CSNK2A2IP: variants seen among roughly 807,000 people sequenced by gnomAD.
The protein encoded by CSNK2A2IP is casein kinase II subunit alpha'-interacting protein.
chr3:88,367,925 C>T, the CSNK2A2IP span, among the ~76,000 whole-genome samples: 3 of 152,056 alleles, frequency 2.0e-5, no homozygotes, highest in East Asian at 1.9e-4. Flanking sequence ...GGAATTTGAC[C>T]TTTAATCCTA....
chr3:88,446,862 T>G, the CSNK2A2IP span, among the ~76,000 whole-genome samples: 1 of 152,220 alleles, frequency 6.6e-6, no homozygotes, highest in Non-Finnish European at 1.5e-5. Flanking sequence ...TCCTTATAAT[T>G]AACATAATCA....
At chr3:88,437,325 A>G in the CSNK2A2IP span, among the ~76,000 whole-genome samples, 1 of 152,220 alleles carries the variant, frequency 6.6e-6, no homozygotes, top group East Asian at 1.9e-4. Flanking sequence ...AGGGCCATTA[A>G]CAGAGTTAGA....
At chr3:88,462,568 G>A in the CSNK2A2IP span, among the ~76,000 whole-genome samples, 1 of 152,146 alleles carries the variant, frequency 6.6e-6, no homozygotes, top group Non-Finnish European at 1.5e-5. Flanking sequence ...ATACAGTCTA[G>A]ATAAGATGTG....
the CSNK2A2IP span, among the ~76,000 whole-genome samples, chr3:88,396,384 C>T: frequency 4.6e-5 from 7 of 152,162 alleles, no homozygotes; most frequent in Non-Finnish European, 1.0e-4. Context: ...GGATTACAGG[C>T]GTGAGCCACC....
chr3:88,455,353 C>T, the CSNK2A2IP span, among the ~76,000 whole-genome samples: 1 of 152,006 alleles, frequency 6.6e-6, no homozygotes, highest in East Asian at 1.9e-4. Context: ...TTTTTCCCCA[C>T]ATCCTTGCCA....
the CSNK2A2IP span, among the ~76,000 whole-genome samples, chr3:88,445,978 CTTTCTTTCTTT>C: frequency 5.8e-5 from 8 of 137,294 alleles, no homozygotes; most frequent in Non-Finnish European, 1.3e-4. Context: ...CCCTCTCTCT[CTTTCTTTCTTT>C]TTTCTTTCTT....
chr3:88,382,416 T>G, the CSNK2A2IP span, among the ~76,000 whole-genome samples: 1 of 152,208 alleles, frequency 6.6e-6, no homozygotes, highest in African/African-American at 2.4e-5. Context: ...GGGGCTTAAT[T>G]AAGACCTGTG....
the CSNK2A2IP span, among the ~76,000 whole-genome samples, chr3:88,397,366 T>C: frequency 6.6e-6 from 1 of 152,218 alleles, no homozygotes; most frequent in Non-Finnish European, 1.5e-5. Context: ...TTTACAATAG[T>C]ATACTTGAGA....
the CSNK2A2IP span, among the ~76,000 whole-genome samples, chr3:88,374,320 G>A: frequency 8.6e-5 from 13 of 151,738 alleles, no homozygotes; most frequent in African/African-American, 3.1e-4. Context: ...AATTCAAGAT[G>A]CTTCTGAGAT....
At chr3:88,389,504 A>C in the CSNK2A2IP span, among the ~76,000 whole-genome samples, 1 of 152,180 alleles carries the variant, frequency 6.6e-6, no homozygotes, top group African/African-American at 2.4e-5. Context: ...AGGCCATCGT[A>C]AGGATGCTGG....
the CSNK2A2IP span, among the ~76,000 whole-genome samples, chr3:88,339,009 C>T: frequency 5.1e-4 from 78 of 152,046 alleles, no homozygotes; most frequent in African/African-American, 1.8e-3. Context: ...AATGTTCAAA[C>T]CAGGGTAATT....
chr3:88,358,246 T>C, the CSNK2A2IP span, among the ~76,000 whole-genome samples: 1 of 151,732 alleles, frequency 6.6e-6, no homozygotes, highest in South Asian at 2.1e-4. Context: ...CTGGAGTCCT[T>C]AGGATTTTCA....
At chr3:88,370,395 C>T in the CSNK2A2IP span, among the ~76,000 whole-genome samples, 1 of 151,842 alleles carries the variant, frequency 6.6e-6, no homozygotes, top group Non-Finnish European at 1.5e-5. Flanking sequence ...AGTGGCTAGA[C>T]AGATATATTC....
the CSNK2A2IP span, among the ~76,000 whole-genome samples, chr3:88,404,321 A>G: frequency 6.6e-6 from 1 of 152,160 alleles, no homozygotes; most frequent in Non-Finnish European, 1.5e-5. Flanking sequence ...CCCGCAAAAT[A>G]AAAGGATTTC....
the CSNK2A2IP span, among the ~76,000 whole-genome samples, chr3:88,364,303 C>T: frequency 6.6e-6 from 1 of 151,858 alleles, no homozygotes; most frequent in Non-Finnish European, 1.5e-5. Context: ...CGTATTGCTT[C>T]AGGTGGGATG....
At chr3:88,441,235 ATGATTAAAGTTTGTTGTTATTCAGGGT>A in the CSNK2A2IP span, among the ~76,000 whole-genome samples, 1 of 152,138 alleles carries the variant, frequency 6.6e-6, no homozygotes. Context: ...TGCCAAGAAA[ATGATTAAAGTTTGTTGTTATTCAGGGT>A]CTGGGTCTGG....
chr3:88,373,501 T>G, the CSNK2A2IP span, among the ~76,000 whole-genome samples: 1 of 150,912 alleles, frequency 6.6e-6, no homozygotes, highest in Non-Finnish European at 1.5e-5. Context: ...AGAGAAAAAT[T>G]TGTAACAATA....
At chr3:88,366,274 C>T in the CSNK2A2IP span, among the ~76,000 whole-genome samples, 1 of 152,100 alleles carries the variant, frequency 6.6e-6, no homozygotes, top group Non-Finnish European at 1.5e-5. Context: ...AGTGACAAGG[C>T]AACACTGGCA....
the CSNK2A2IP span, among the ~76,000 whole-genome samples, chr3:88,354,641 A>G: frequency 6.6e-6 from 1 of 152,198 alleles, no homozygotes; most frequent in African/African-American, 2.4e-5. Flanking sequence ...GCTTGGAAGT[A>G]GTAATTACCC....
Sources: gnomAD v4.1 joint callset for allele counts (sites outside exome capture counted in the v4.1 genomes callset) on GRCh38, gnomAD v4.1.1 for gene constraint, MANE v1.5 for transcripts, NCBI Gene and HGNC (gene_info 2026-07-23, HGNC 2026-07-21) for gene names.